Variants in RABGAP1 observed in about 807,000 individuals in gnomAD.
RABGAP1 encodes the protein rab GTPase-activating protein 1.
In RABGAP1, 23 loss-of-function variants were observed where a neutral mutation model predicts 137.6. The ratio of observed to expected loss-of-function variants is 0.17; its 90% confidence interval spans 0.12 to 0.24. The LOEUF (loss-of-function observed/expected upper bound fraction) is 0.24, where lower values mean the gene tolerates loss of function less well. Among genes scored for constraint, RABGAP1 ranks in the 10% least tolerant of loss-of-function variants. The pLI, the probability that RABGAP1 is intolerant of heterozygous loss-of-function variation, is 1.00. For synonymous variants in RABGAP1, 451 were observed against 450.7 expected (o/e 1.00, Z -0.01); for missense variants, 906 against 1,275.8 (o/e 0.71, Z 4.42).
chr9:123,093,753 G>A (rs1029404822), intron 21 of RABGAP1, among the ~76,000 whole-genome samples: 1 of 152,114 alleles, frequency 6.6e-6, no homozygotes, highest in African/African-American at 2.4e-5. Context: ...TGAGTTCTCT[G>A]ACTTTGTTGT....
intron 1 of RABGAP1, among the ~76,000 whole-genome samples, chr9:122,943,503 G>A (rs1051786037): frequency 2.6e-5 from 4 of 152,188 alleles, no homozygotes; most frequent in Non-Finnish European, 2.9e-5. Flanking sequence ...TTTGTTTGCA[G>A]TTTATAAGAG....
chr9:122,958,038 G>T (rs188097360), intron 2 of RABGAP1, among the ~76,000 whole-genome samples: 450 of 152,112 alleles, frequency 3.0e-3, no homozygotes, highest in African/African-American at 0.01. Flanking sequence ...GCACTCCCAG[G>T]TTCACACCTT....
chr9:123,044,659 G>T (rs1024944414), intron 13 of RABGAP1, among the ~76,000 whole-genome samples: 1 of 151,938 alleles, frequency 6.6e-6, no homozygotes, highest in Non-Finnish European at 1.5e-5. Context: ...GTGTGTATGT[G>T]TATGTATATG....
chr9:122,986,107 A>G (rs913893793), intron 3 of RABGAP1, 108 bp from the exon 4 acceptor site: 14 of 978,628 alleles, frequency 1.4e-5, no homozygotes, highest in African/African-American at 3.3e-5. Flanking sequence ...TGTCTCATTA[A>G]TACTTAATTT....
At chr9:122,996,492 T>C in intron 7 of RABGAP1, 47 bp from the exon 8 acceptor site, 1 of 1,528,488 alleles carries the variant, frequency 6.5e-7, no homozygotes, top group Non-Finnish European at 8.9e-7. Context: ...TAAACGTTCT[T>C]TTGTGTTATC....
At chr9:123,071,572 A>G (rs1447194888) in intron 15 of RABGAP1, 1 of 152,248 alleles carries the variant, frequency 6.6e-6, no homozygotes, top group African/African-American at 2.4e-5. Flanking sequence ...TAAGCACATA[A>G]TCACACAAGT....
chr9:123,023,881 GA>G (rs1225931375), intron 13 of RABGAP1, among the ~76,000 whole-genome samples: 2 of 151,700 alleles, frequency 1.3e-5, no homozygotes, highest in Non-Finnish European at 2.9e-5. Flanking sequence ...ATTACTTTGA[GA>G]TTTTTTTTTT....
At chr9:123,000,713 C>G (rs1837279685) in intron 10 of RABGAP1, among the ~76,000 whole-genome samples, 1 of 151,748 alleles carries the variant, frequency 6.6e-6, no homozygotes, top group African/African-American at 2.4e-5. Context: ...GGGGATTTGC[C>G]ATGTTGTCCA....
intron 19 of RABGAP1, among the ~76,000 whole-genome samples, chr9:123,087,189 G>T (rs1423524350): frequency 2.0e-5 from 3 of 152,120 alleles, no homozygotes; most frequent in Non-Finnish European, 4.4e-5. Context: ...TATAATAAGG[G>T]TTAATGAAAT....
chr9:123,004,569 C>T (rs1010177011), intron 10 of RABGAP1, among the ~76,000 whole-genome samples: 4 of 152,130 alleles, frequency 2.6e-5, no homozygotes, highest in Non-Finnish European at 5.9e-5. Context: ...AGGCATGAGC[C>T]ACTATGCCCA....
intron 1 of RABGAP1, among the ~76,000 whole-genome samples, chr9:122,944,031 C>T (rs1833782360): frequency 6.6e-6 from 1 of 152,036 alleles, no homozygotes; most frequent in Non-Finnish European, 1.5e-5. Flanking sequence ...CTCATTATTT[C>T]CCAGTAGTTT....
At chr9:123,079,253 T>G (rs917519193) in intron 19 of RABGAP1, among the ~76,000 whole-genome samples, 15 of 149,568 alleles carry the variant, frequency 1.0e-4, no homozygotes, top group African/African-American at 3.4e-4. Context: ...TTTTTTTTTT[T>G]TTTTGAGACA....
chr9:122,986,643 G>A (rs1836386529), intron 4 of RABGAP1, among the ~76,000 whole-genome samples: 1 of 152,080 alleles, frequency 6.6e-6, no homozygotes, highest in South Asian at 2.1e-4. Context: ...TAGTACATTA[G>A]GCATTTAATG....
Position 123,073,458 on chromosome 9 carries a change from T to C in RABGAP1, c.1984-94T>C, listed in dbSNP as rs1446420612. ...TAAATTTTCTGGTAAGGCAATAATA[T>C]AAAGCTGGATTTAATATCCTGAGAA... On this transcript the variant is annotated intron_variant, in intron 15 of 25. Transcript: ENST00000373647. 3 of 1,469,978 alleles carry C rather than the reference T, an allele frequency of 2.0e-6. No individual in the cohort carries two copies. In the East Asian group the frequency reaches 6.9e-5, roughly 34 times the overall value. The allele number at this position is 1,469,978 out of a possible 1,614,324, so 91.1% of individuals were successfully genotyped here. A position where few individuals can be genotyped will look rare whatever the true frequency, so the allele number is the denominator to read the frequency against.
intron 11 of RABGAP1, among the ~76,000 whole-genome samples, chr9:123,012,582 T>C (rs79486318): frequency 6.6e-6 from 1 of 152,350 alleles, no homozygotes; most frequent in African/African-American, 2.4e-5. Context: ...AGAAGGCCTC[T>C]ACTGATAGTT....
At chr9:122,951,950 C>G (rs372693951) in intron 1 of RABGAP1, among the ~76,000 whole-genome samples, 2 of 152,140 alleles carry the variant, frequency 1.3e-5, no homozygotes, top group East Asian at 3.8e-4. Flanking sequence ...TTGGCACTTA[C>G]GGCACAGAGC....
At chr9:123,028,280 G>A (rs1177669253) in intron 13 of RABGAP1, among the ~76,000 whole-genome samples, 1 of 152,170 alleles carries the variant, frequency 6.6e-6, no homozygotes, top group Non-Finnish European at 1.5e-5. Flanking sequence ...CCTACCCTGT[G>A]CCAACCCTGT....
intron 13 of RABGAP1, among the ~76,000 whole-genome samples, chr9:123,058,279 A>G (rs2132092539): frequency 6.6e-6 from 1 of 152,320 alleles, no homozygotes; most frequent in East Asian, 1.9e-4. Flanking sequence ...ATACTAAGGT[A>G]GGATAATGGC....
Position 123,070,992 on chromosome 9 carries a change from AAC to A in RABGAP1, c.1983+574_1983+575del, listed in dbSNP as rs960297125. On this transcript the variant is annotated intron_variant, in intron 15 of 25. Transcript: ENST00000373647. This position sits in a 1 kb window ranked among gnomAD's most constrained non-coding sequence, Gnocchi z 4.4. ...TCTCTTTTTTTCTCTTTTCTGCATAAACACACATTTTCTTTTTTACTTAAATT... is the reference window on the plus strand; with the variant it reads ...TCTCTTTTTTTCTCTTTTCTGCATAAACACATTTTCTTTTTTACTTAAATT... 1.5e-4 allele frequency among the ~76,000 whole-genome samples: 23 copies of A among 152,224 alleles called. No individual in the cohort carries two copies. The highest frequency in any genetic ancestry group is 1.3e-3 in the Admixed American group (20 of 15,290).
Sources: gnomAD v4.1 joint callset for allele counts (sites outside exome capture counted in the v4.1 genomes callset) on GRCh38, gnomAD v4.1.1 for gene constraint, Gnocchi (gnomAD v3.1) non-coding constraint, MANE v1.5 for transcripts, NCBI Gene and HGNC (gene_info 2026-07-23, HGNC 2026-07-21) for gene names.